Variants in SLC22A25 observed in about 807,000 individuals in gnomAD.
SLC22A25 encodes solute carrier family 22 member 25.
In SLC22A25, 44 loss-of-function variants were observed where a neutral mutation model predicts 45.9. The ratio of observed to expected loss-of-function variants is 0.96; its 90% CI spans 0.75 to 1.23. SLC22A25 has a LOEUF of 1.23. Among genes scored for constraint, SLC22A25 ranks in the 50% most tolerant of loss-of-function variants. The pLI is 0.00. For missense variants in SLC22A25, 800 were observed against 666.4 expected (o/e 1.20, Z -2.21); for synonymous variants, 283 against 238.6 (o/e 1.19, Z -1.72).
intron 7 of SLC22A25, among the ~76,000 whole-genome samples, chr11:63,196,020 C>T (rs2089013999): frequency 6.6e-6 from 1 of 152,130 alleles, no homozygotes; most frequent in Non-Finnish European, 1.5e-5. Flanking sequence ...GGATAAATTC[C>T]TGGACATATC....
chr11:63,225,581 A>G (rs913275070), intron 5 of SLC22A25, among the ~76,000 whole-genome samples: 1 of 151,960 alleles, frequency 6.6e-6, no homozygotes, highest in Admixed American at 6.6e-5. Context: ...TGACCTAGGG[A>G]GTTGGATTAT....
chr11:63,212,368 G>A (rs1376626739), intron 7 of SLC22A25, among the ~76,000 whole-genome samples: 3 of 152,134 alleles, frequency 2.0e-5, no homozygotes, highest in Non-Finnish European at 4.4e-5. Flanking sequence ...ACACGCACAC[G>A]TATGTTTATT....
intron 5 of SLC22A25, among the ~76,000 whole-genome samples, chr11:63,227,387 C>A (rs1357935561): frequency 6.6e-6 from 1 of 152,118 alleles, no homozygotes; most frequent in Non-Finnish European, 1.5e-5. Context: ...CTGGGCCCTT[C>A]TCTTTAAGGC....
chr11:63,169,203 C>T (rs1449416622), intron 9 of SLC22A25, among the ~76,000 whole-genome samples: 1 of 152,124 alleles, frequency 6.6e-6, no homozygotes, highest in Non-Finnish European at 1.5e-5. Flanking sequence ...TGGTACCAAC[C>T]ACTGCAAAAA....
At chr11:63,214,415 A>C (rs2089657876) in intron 7 of SLC22A25, among the ~76,000 whole-genome samples, 1 of 152,206 alleles carries the variant, frequency 6.6e-6, no homozygotes, top group Non-Finnish European at 1.5e-5. Flanking sequence ...AATTAAAAGA[A>C]ATTAAAGAAT....
At position 63,236,666 on chromosome 11, in the gene SLC22A25, G is replaced by A. The variant is rs1347033502; in HGVS notation, c.-445+1215C>T. Among the ~76,000 whole-genome samples the A allele has an allele frequency of 3.9e-5, 6 of 151,994 alleles. No homozygotes were observed. In the South Asian group the frequency reaches 6.3e-4, roughly 16 times the overall value. ...CCCACTGTCCTGCACCCACTGTCCC[G>A]CACCCACTGTCTGGCACTCCCCAGT... is the stretch of plus-strand genomic sequence containing the variant. On this transcript the variant is annotated intron_variant, in intron 3 of 11. Transcript: ENST00000306494.
In SLC22A25 at chr11:63,197,125, A is replaced by G. The variant is rs7937239; in HGVS notation, c.831-13308T>C. ...AAAAGAGGACACAAACAAATGGAAC[A>G]CCATTCCATGCTTCTGGATAGGAAG... On this transcript the variant is annotated intron_variant, in intron 7 of 11. Coordinates refer to ENST00000306494, the MANE Select transcript of SLC22A25 (RefSeq NM_199352.6). 7.2e-3 allele frequency among the ~76,000 whole-genome samples: 1,100 copies of G among 152,306 alleles called. 9 individuals are homozygous for G. Among genetic ancestry groups the G allele is most frequent in the African/African-American group, 0.024 (1,010 of 41,568 alleles).
intron 7 of SLC22A25, among the ~76,000 whole-genome samples, chr11:63,195,696 T>G (rs902200122): frequency 2.0e-4 from 31 of 151,846 alleles, no homozygotes; most frequent in African/African-American, 7.5e-4. Context: ...TTAAAAGAAC[T>G]AGAGAAACAA....
At position 63,164,582 on chromosome 11, in the gene SLC22A25, A is replaced by C; in HGVS notation, c.1338T>G (p.Ser446=). Residue 446 remains serine, a synonymous_variant, in exon 11 of 12, where the codon TCT becomes TCG. Transcript: ENST00000306494. ...GGGCAGTAGAACAGGTAATGCCAAG[A>C]GAAGCAGCTCCCACACCCAGGGTTG... ...VLATLGVGAA[S]LGITCSTAQE... 1 of 1,613,900 alleles carries C rather than the reference A, an allele frequency of 6.2e-7. No individual in the cohort carries two copies. The highest frequency in any genetic ancestry group is 1.1e-5 in the South Asian group (1 of 91,076).
chr11:63,186,587 G>A (rs1202110014), intron 7 of SLC22A25, among the ~76,000 whole-genome samples: 5 of 151,306 alleles, frequency 3.3e-5, no homozygotes, highest in African/African-American at 7.3e-5. Flanking sequence ...TGTTGCCATT[G>A]CTTTTGGTGT....
intron 5 of SLC22A25, among the ~76,000 whole-genome samples, chr11:63,225,931 A>G (rs1037968028): frequency 2.0e-5 from 3 of 152,038 alleles, no homozygotes; most frequent in Non-Finnish European, 4.4e-5. Flanking sequence ...ATTCTGATGC[A>G]TTCTTCCATA....
intron 3 of SLC22A25, among the ~76,000 whole-genome samples, chr11:63,235,608 A>G (rs2090149577): frequency 6.6e-6 from 1 of 151,992 alleles, no homozygotes; most frequent in Admixed American, 6.5e-5. Flanking sequence ...TTTAGCTCAG[A>G]GTAGTTTGAT....
rs772723212 is a variant in SLC22A25, at chr11:63,161,586, G to A, written c.*2238C>T. Among the ~76,000 whole-genome samples the A allele has an allele frequency of 2.0e-5, 3 of 152,108 alleles. No individual in the cohort carries two copies. Among genetic ancestry groups the A allele is most frequent in the Non-Finnish European group, 4.4e-5 (3 of 68,008 alleles). On this transcript the variant is annotated 3_prime_UTR_variant, in exon 12 of 12. Coordinates refer to ENST00000306494, the MANE Select transcript of SLC22A25 (RefSeq NM_199352.6). ...GTGAATAAATCTCACATGATCTGAT[G>A]GTTTTATAAAAGGGAGTTTCCCTGC...
chr11:63,187,523 T>C (rs2088607658), intron 7 of SLC22A25, among the ~76,000 whole-genome samples: 1 of 152,168 alleles, frequency 6.6e-6, no homozygotes, highest in East Asian at 1.9e-4. Context: ...TTTTCCTAAT[T>C]GAATACATTT....
In SLC22A25 at chr11:63,219,940, G is replaced by A. The variant is rs115563515; in HGVS notation, c.507-2205C>T. ...GGTTTCAGGAGAGATACCAGAAGAC[G>A]TGATGCTGGTGGATGGCAATGGGCA... is the stretch of plus-strand genomic sequence containing the variant. On this transcript the variant is annotated intron_variant, in intron 5 of 11. Transcript: ENST00000306494. The A allele has an allele frequency of 1.8e-4, 228 of 1,289,240 alleles. No homozygotes were observed. In the African/African-American group the frequency reaches 3.0e-3, roughly 17 times the overall value. 79.9% of individuals were successfully genotyped at this position (1,289,240 alleles called of 1,614,324 possible).
chr11:63,159,232 C>G lies in SLC22A25; in HGVS notation c.*4592G>C, dbSNP rs567610503. 3.3e-5 allele frequency among the ~76,000 whole-genome samples: 5 copies of G among 152,244 alleles called. No homozygotes were observed. The South Asian group carries it at 1.0e-3, about 32-fold the overall frequency. The stretch of plus-strand genomic sequence containing the variant: ...TGCAACAAATGTGGGAGTGCAGATA[C>G]GTCTTTGATATACTTATTTCCTTTC... On this transcript the variant is annotated 3_prime_UTR_variant, in exon 12 of 12. Transcript: ENST00000306494.
chr11:63,214,740 C>G (rs184231921), intron 7 of SLC22A25, among the ~76,000 whole-genome samples: 8 of 152,014 alleles, frequency 5.3e-5, no homozygotes, highest in South Asian at 2.1e-4. Flanking sequence ...GATCTCCCCC[C>G]ACCCCACGAA....
rs1023587840 is a variant in SLC22A25 at position 63,162,110 on chromosome 11, G to A, written c.*1714C>T. Among the ~76,000 whole-genome samples, 1 of 152,104 alleles carries A rather than the reference G, an allele frequency of 6.6e-6. No homozygotes were observed. The highest frequency in any genetic ancestry group is 1.5e-5 in the Non-Finnish European group (1 of 68,008). On this transcript the variant is annotated 3_prime_UTR_variant, in exon 12 of 12. Transcript: ENST00000306494. ...ATTCACGTTGCCCATTGTTTGATGA[G>A]ATTATTTGATTTTTCCTATAGAGTT...
intron 7 of SLC22A25, among the ~76,000 whole-genome samples, chr11:63,189,921 G>T (rs908281225): frequency 1.3e-5 from 2 of 152,236 alleles, no homozygotes; most frequent in African/African-American, 2.4e-5. Context: ...TCAGCTGTTA[G>T]TCTGATGGGC....
Sources: allele counts gnomAD v4.1 joint callset (sites outside exome capture counted in the v4.1 genomes callset), GRCh38; gene constraint gnomAD v4.1.1; transcripts MANE v1.5; gene names NCBI Gene and HGNC (gene_info 2026-07-23, HGNC 2026-07-21).